CST5: variants seen among roughly 807,000 people sequenced by gnomAD.
CST5 encodes the protein cystatin-D.
A neutral mutation model predicts 11.5 loss-of-function variants in CST5; 13 were observed. The observed-to-expected ratio is 1.13, with a 90% CI of 0.73 to 1.79. The LOEUF (loss-of-function observed/expected upper bound fraction) is 1.79, where lower values mean the gene tolerates loss of function less well. CST5 is among the 40% of genes most tolerant of loss of function. The pLI is 0.00. For missense variants in CST5, 219 were observed against 174.5 expected, an observed-to-expected ratio of 1.25 and a Z score of -1.44; for synonymous variants, 81 against 67.6, an observed-to-expected ratio of 1.20 and a Z score of -0.97.
rs4813509 is a variant in CST5, at chr20:23,876,026, T to C, written c.*162A>G. 273,497 of 575,340 alleles carry C rather than the reference T, an allele frequency of 0.48. 66,684 individuals are homozygous for C. Among genetic ancestry groups the C allele is most frequent in the African/African-American group, 0.61 (33,065 of 53,836 alleles). 35.6% of individuals were successfully genotyped at this position (575,340 alleles called of 1,614,324 possible). Reference sequence around the variant, plus strand: ...AGAAGGAAGGAGCAAGGGCAGAGCCTCCTGCTGAGCAACAAAGGCCTCCTG... The same window carrying C: ...AGAAGGAAGGAGCAAGGGCAGAGCCCCCTGCTGAGCAACAAAGGCCTCCTG... On this transcript the variant is annotated 3_prime_UTR_variant, in exon 3 of 3. Transcript: ENST00000304710.
At chr20:23,877,999 A>T (rs1273835093) in intron 1 of CST5, among the ~76,000 whole-genome samples, 1 of 152,194 alleles carries the variant, frequency 6.6e-6, no homozygotes, top group Admixed American at 6.5e-5. Flanking sequence ...GCAGGGTCTA[A>T]GCACCAAGTG....
intron 1 of CST5, 142 bp from the exon 2 acceptor site, chr20:23,877,760 C>A: frequency 1.5e-6 from 1 of 664,066 alleles, no homozygotes; most frequent in Non-Finnish European, 2.7e-6. Flanking sequence ...AAGCCACCTT[C>A]TCCTGCTGGC....
chr20:23,878,590 A>G (rs1346136509), intron 1 of CST5, among the ~76,000 whole-genome samples: 1 of 152,178 alleles, frequency 6.6e-6, no homozygotes, highest in East Asian at 1.9e-4. Flanking sequence ...TGAGTGACAC[A>G]CTTAAGAGGG....
At chr20:23,877,162 TG>T (rs1306996494) in intron 2 of CST5, among the ~76,000 whole-genome samples, 3 of 151,612 alleles carry the variant, frequency 2.0e-5, no homozygotes. Context: ...CACACTCCTG[TG>T]CATCTTCCTC....
chr20:23,876,746 G>A (rs1226115242), intron 2 of CST5, among the ~76,000 whole-genome samples: 1 of 152,310 alleles, frequency 6.6e-6, no homozygotes, highest in Non-Finnish European at 1.5e-5. Flanking sequence ...CAGAGACCTC[G>A]AAAGAAATCC....
Position 23,879,429 on chromosome 20 carries a change from G to T in CST5, c.231+17C>A. 6.3e-7 allele frequency: 1 copy of T among 1,598,218 alleles called. No homozygotes were observed. The highest frequency in any genetic ancestry group is 8.6e-7 in the Non-Finnish European group (1 of 1,166,490). On this transcript the variant is annotated intron_variant, in intron 1 of 2. Coordinates refer to ENST00000304710, the MANE Select transcript of CST5 (RefSeq NM_001900.5). ...CCAGCTGGGACTCAGGACCCCCAGG[G>T]TGGTGGTAGCACGCACCTGCTGGTA...
chr20:23,876,131 A>G lies in CST5; in HGVS notation c.*57T>C. 7.1e-7 allele frequency: 1 copy of G among 1,410,884 alleles called. No homozygotes were observed. Among genetic ancestry groups the G allele is most frequent in the Non-Finnish European group, 1.0e-6 (1 of 1,000,578 alleles). 87.4% of individuals were successfully genotyped at this position (1,410,884 alleles called of 1,614,324 possible). On this transcript the variant is annotated 3_prime_UTR_variant, in exon 3 of 3. Transcript: ENST00000304710. Reference sequence around the variant, plus strand: ...TGGGGGCCACCAGTCCAGGGGTGGGAGCACTACAGGGGGTGGGAGTAGGAG... The same window carrying G: ...TGGGGGCCACCAGTCCAGGGGTGGGGGCACTACAGGGGGTGGGAGTAGGAG...
At chr20:23,876,320 C>T in intron 2 of CST5, 49 bp from the exon 3 acceptor site, 1 of 1,437,402 alleles carries the variant, frequency 7.0e-7, no homozygotes, top group Non-Finnish European at 9.8e-7. Context: ...ACAGTTAAAG[C>T]CAAAGATGCC....
chr20:23,876,344 T>A, intron 2 of CST5, 73 bp from the exon 3 acceptor site: 1 of 1,225,230 alleles, frequency 8.2e-7, no homozygotes, highest in Non-Finnish European at 1.2e-6. Context: ...GAATGGGACA[T>A]CAGAATGGGG....
At chr20:23,876,718 G>A (rs1023920800) in intron 2 of CST5, among the ~76,000 whole-genome samples, 1 of 152,234 alleles carries the variant, frequency 6.6e-6, no homozygotes, top group African/African-American at 2.4e-5. Flanking sequence ...GACAAGGAGA[G>A]TGTGGCTCTG....
chr20:23,876,206 G>A lies in CST5; in HGVS notation c.411C>T (p.Tyr137=), dbSNP rs996210965. 4 of 1,613,568 alleles carry A rather than the reference G, an allele frequency of 2.5e-6. No individual in the cohort carries two copies. In the African/African-American group the frequency reaches 4.0e-5, roughly 16 times the overall value. The change falls in exon 3 of 3, where the codon TAC becomes TAT. Residue 137 remains tyrosine (Y), a synonymous_variant. Coordinates refer to ENST00000304710, the MANE Select transcript of CST5 (RefSeq NM_001900.5). The part of the protein sequence containing the change: ...PWEDKISILN[Y]KCRKV ...CAGACCCCTAGACTTTCCGGCACTTGTAGTTCAGAATGGAAATTTTATCCT... is the reference window on the plus strand; with the variant it reads ...CAGACCCCTAGACTTTCCGGCACTTATAGTTCAGAATGGAAATTTTATCCT...
chr20:23,876,113 C>A lies in CST5; in HGVS notation c.*75G>T. 2 of 1,242,250 alleles carry A rather than the reference C, an allele frequency of 1.6e-6. No homozygotes were observed. Among genetic ancestry groups the A allele is most frequent in the South Asian group, 1.3e-5 (1 of 76,080 alleles). 77.0% of individuals were successfully genotyped at this position (1,242,250 alleles called of 1,614,324 possible). On this transcript the variant is annotated 3_prime_UTR_variant, in exon 3 of 3. Transcript: ENST00000304710. ...AGGAGACCTCCCCCAGGGTGGGGGCCACCAGTCCAGGGGTGGGAGCACTAC... is the reference window on the plus strand; with the variant it reads ...AGGAGACCTCCCCCAGGGTGGGGGCAACCAGTCCAGGGGTGGGAGCACTAC...
Position 23,876,196 on chromosome 20 carries a change from T to C in CST5, c.421A>G (p.Lys141Glu), listed in dbSNP as rs141858159. 1.1e-4 allele frequency: 172 copies of C among 1,613,436 alleles called. 1 individual carries two copies. The African/African-American group carries it at 2.1e-3, about 20-fold the overall frequency. ...KISILNYKCR[K>E]V ...AGGCCTTGCACAGACCCCTAGACTT[T>C]CCGGCACTTGTAGTTCAGAATGGAA... is the stretch of plus-strand genomic sequence containing the variant. Residue 141 changes from lysine to glutamate, a missense_variant, in exon 3 of 3, where the codon AAA (lysine) becomes GAA (glutamate). Coordinates refer to ENST00000304710, the MANE Select transcript of CST5 (RefSeq NM_001900.5).
At chr20:23,879,036 G>A (rs2122213168) in intron 1 of CST5, among the ~76,000 whole-genome samples, 1 of 152,322 alleles carries the variant, frequency 6.6e-6, no homozygotes, top group South Asian at 2.1e-4. Context: ...TGACTTGGGA[G>A]GGAAGCGGGG....
rs137939967 is a variant in CST5 at position 23,876,204 on chromosome 20, T to G, written c.413A>C (p.Lys138Thr). 32 of 1,613,690 alleles carry G rather than the reference T, an allele frequency of 2.0e-5. No individual in the cohort carries two copies. In the African/African-American group the frequency reaches 3.7e-4, roughly 19 times the overall value. The change falls in exon 3 of 3, where the codon AAG (lysine) becomes ACG (threonine). Residue 138 changes from lysine to threonine, a missense_variant. Transcript: ENST00000304710. ...CACAGACCCCTAGACTTTCCGGCAC[T>G]TGTAGTTCAGAATGGAAATTTTATC... ...WEDKISILNY[K>T]CRKV is the part of the protein sequence containing the mutation.
At chr20:23,877,388 C>T (rs970799786) in intron 2 of CST5, 117 bp downstream of exon 2, 12 of 781,598 alleles carry the variant, frequency 1.5e-5, no homozygotes, top group Non-Finnish European at 2.6e-5. Context: ...CACACATGCA[C>T]ACATGCCCTC....
chr20:23,877,649 C>G (rs1361723435), intron 1 of CST5, 31 bp from the exon 2 acceptor site: 1 of 1,556,370 alleles, frequency 6.4e-7, no homozygotes, highest in Non-Finnish European at 8.8e-7. Context: ...GAAGCAGGGG[C>G]AGCATGCTGT....
chr20:23,876,096 T>G lies in CST5; in HGVS notation c.*92A>C. 1.0e-6 allele frequency: 1 copy of G among 995,830 alleles called. No individual in the cohort carries two copies. Among genetic ancestry groups the G allele is most frequent in the Non-Finnish European group, 1.5e-6 (1 of 650,840 alleles). The allele number at this position is 995,830 out of a possible 1,614,324, so 61.7% of individuals were successfully genotyped here. A position where few individuals can be genotyped will look rare whatever the true frequency, so the allele number is the denominator to read the frequency against. Reference sequence around the variant, plus strand: ...CCTGGTGCAGGCGCATGAGGAGACCTCCCCCAGGGTGGGGGCCACCAGTCC... The same window carrying G: ...CCTGGTGCAGGCGCATGAGGAGACCGCCCCCAGGGTGGGGGCCACCAGTCC... On this transcript the variant is annotated 3_prime_UTR_variant, in exon 3 of 3. Transcript: ENST00000304710.
chr20:23,875,961 G>A lies in CST5; in HGVS notation c.*227C>T, dbSNP rs1386777704. 1 of 404,936 alleles carries A rather than the reference G, an allele frequency of 2.5e-6. No homozygotes were observed. The highest frequency in any genetic ancestry group is 4.0e-5 in the Admixed American group (1 of 24,834). The allele number at this position is 404,936 out of a possible 1,614,324, so 25.1% of individuals were successfully genotyped here. A position where few individuals can be genotyped will look rare whatever the true frequency, so the allele number is the denominator to read the frequency against. ...CAATGCTACTGTTTAATTGCAGGAG[G>A]TGGGAGAGTGTGCACTGCACACTGG... On this transcript the variant is annotated 3_prime_UTR_variant, in exon 3 of 3. Transcript: ENST00000304710.
Sources: allele counts gnomAD v4.1 joint callset (sites outside exome capture counted in the v4.1 genomes callset), GRCh38; gene constraint gnomAD v4.1.1; transcripts MANE v1.5; gene names NCBI Gene and HGNC (gene_info 2026-07-23, HGNC 2026-07-21).